Variants in ABCA2 observed in about 807,000 individuals in gnomAD.
ABCA2 encodes ATP binding cassette subfamily A member 2, also known as ATP-binding cassette sub-family A member 2.
ABCA2 carries 84 observed loss-of-function variants against 262.8 expected under a neutral mutation model. The observed-to-expected ratio is 0.32, with a 90% CI of 0.27 to 0.38. The LOEUF is 0.38. Ranked by LOEUF, ABCA2 falls within the 10% of genes least tolerant of loss-of-function variation. The pLI is 1.00. For synonymous variants in ABCA2, 1,696 were observed against 1,502.9 expected, an observed-to-expected ratio of 1.13 and a Z score of -2.97; for missense variants, 2,662 against 3,405.9, an observed-to-expected ratio of 0.78 and a Z score of 5.44.
upstream of ABCA2, chr9:137,028,576 G>A: frequency 1.3e-6 from 1 of 783,136 alleles, no homozygotes; most frequent in Non-Finnish European, 1.6e-6. This position sits in a 1 kb window ranked among gnomAD's most constrained non-coding sequence, Gnocchi z 6.9. Context: ...CGCCCACCGC[G>A]CTGGCGACTC....
At position 137,016,362 on chromosome 9, in the gene ABCA2, C is replaced by G; in HGVS notation, c.3033G>C (p.Leu1011=). The G allele has an allele frequency of 6.2e-7, 1 of 1,612,948 alleles. No individual in the cohort carries two copies. The highest frequency in any genetic ancestry group is 2.2e-5 in the East Asian group (1 of 44,888). Residue 1011 remains leucine (L), a synonymous_variant, in exon 21 of 49, where the codon CTG becomes CTC. Coordinates refer to ENST00000341511, the MANE Select transcript of ABCA2 (RefSeq NM_001606.5). The stretch of plus-strand genomic sequence containing the variant: ...CCTGGTTCTCGTAGAGGTTCAGGCT[C>G]AGCTTGTTCAGGGCCAGCTTCTTGT... ...KDDKKLALNK[L]SLNLYENQVV...
rs751657581 is a variant in ABCA2 at position 137,014,340 on chromosome 9, G to A, written c.4068C>T (p.His1356=). Residue 1356 remains histidine (H), a synonymous_variant, in exon 27 of 49, where the codon CAC becomes CAT. Coordinates refer to ENST00000341511, the MANE Select transcript of ABCA2 (RefSeq NM_001606.5). ...GAEGPASGEG[H]AGNLARCSEL... The stretch of plus-strand genomic sequence containing the variant: ...CCGAGCACCGGGCCAGATTGCCAGC[G>A]TGACCCTCCCCAGACGCCGGGCCCT... 5.5e-5 allele frequency: 89 copies of A among 1,606,840 alleles called. No homozygotes were observed. Among genetic ancestry groups the A allele is most frequent in the East Asian group, 4.5e-4 (20 of 44,582 alleles).
chr9:137,022,756 C>G lies in ABCA2; in HGVS notation c.385G>C (p.Glu129Gln). 6.2e-7 allele frequency: 1 copy of G among 1,604,540 alleles called. No individual in the cohort carries two copies. The highest frequency in any genetic ancestry group is 1.3e-5 in the African/African-American group (1 of 74,928). The change falls in exon 5 of 49, where the codon GAG becomes CAG. Residue 129 changes from glutamate to glutamine, a missense_variant. Around this residue, in one of 12 missense-constraint regions of ABCA2, gnomAD observed 403 missense variants for 375.9 expected, o/e 1.07. Transcript: ENST00000341511. ...GTGCCCGGGCCCGCACTGAGGGCCT[C>G]CAGATGCTGGCGTAGGGCCTCGAGC... ...SELEALRQHL[E>Q]ALSAGPGTSG...
chr9:137,008,965 C>G lies in ABCA2; in HGVS notation c.6916G>C (p.Glu2306Gln). The G allele has an allele frequency of 6.4e-7, 1 of 1,558,468 alleles. No individual in the cohort carries two copies. The highest frequency in any genetic ancestry group is 8.6e-7 in the Non-Finnish European group (1 of 1,156,094). Residue 2306 changes from glutamate to glutamine, a missense_variant, in exon 46 of 49, where the codon GAA becomes CAA. Transcript: ENST00000341511. ...VVRFFNRNFP[E>Q]AMLKERHHTK... Reference sequence around the variant, plus strand: ...GGACGGCGCACCTTGAGCATGGCTTCCGGGAAGTTGCGGTTGAAGAACCGC... The same window carrying G: ...GGACGGCGCACCTTGAGCATGGCTTGCGGGAAGTTGCGGTTGAAGAACCGC...
chr9:137,024,862 G>A (rs937200352), intron 1 of ABCA2, among the ~76,000 whole-genome samples: 1 of 150,616 alleles, frequency 6.6e-6, no homozygotes, highest in Non-Finnish European at 1.5e-5. Flanking sequence ...ACAGTGGTGC[G>A]ATCTCAGCTC....
Position 137,013,510 on chromosome 9 carries a change from G to A in ABCA2, c.4501C>T (p.Pro1501Ser). 1.2e-6 allele frequency: 2 copies of A among 1,610,376 alleles called. No homozygotes were observed. The highest frequency in any genetic ancestry group is 8.5e-7 in the Non-Finnish European group (1 of 1,179,450). Residue 1501 changes from proline to serine, a missense_variant, in exon 29 of 49, where the codon CCC becomes TCC. By Grantham distance (74) the Pro-to-Ser change is moderately conservative. Transcript: ENST00000341511. ...SPSQYHNYTQ[P>S]RGNFIPYANE... ...GCGTAGGGGATGAAATTGCCACGGGGCTGGGTGTAGTTGTGGTACTGGGAA... is the reference window on the plus strand; with the variant it reads ...GCGTAGGGGATGAAATTGCCACGGGACTGGGTGTAGTTGTGGTACTGGGAA...
chr9:137,013,130 A>G lies in ABCA2; in HGVS notation c.4739T>C (p.Phe1580Ser). 6.3e-7 allele frequency: 1 copy of G among 1,597,678 alleles called. No homozygotes were observed. The highest frequency in any genetic ancestry group is 1.1e-5 in the South Asian group (1 of 89,290). ...RFFDSMCLES[F>S]TQGLPLSNFV... ...ATTGGACAGTGGCAGCCCCTGTGTG[A>G]AGGACTCCAGACACATGCTGTCGAA... Residue 1580 changes from phenylalanine to serine, a missense_variant, in exon 30 of 49, where the codon TTC becomes TCC. Phe to Ser is a radical substitution (Grantham distance 155). Transcript: ENST00000341511.
rs1831364386 is a variant in ABCA2 at position 137,019,067 on chromosome 9, C to T, written c.1558G>A (p.Val520Ile). Residue 520 changes from valine to isoleucine, a missense_variant, in exon 12 of 49, where the codon GTA (valine) becomes ATA (isoleucine). Val to Ile is a conservative substitution (Grantham distance 29). Transcript: ENST00000341511. This position sits in a 1 kb window ranked among gnomAD's most constrained non-coding sequence, Gnocchi z 4.4. ...TCGGGGTGCAGCCGCAGCTCTGCTA[C>T]ATACTTGGGGTGGAGGGGCGGCTCA... ...QQHLRWLQQY[V>I]AELRLHPEAL... is the part of the protein sequence containing the mutation. 1 of 1,609,188 alleles carries T rather than the reference C, an allele frequency of 6.2e-7. No homozygotes were observed. Among genetic ancestry groups the T allele is most frequent in the African/African-American group, 1.3e-5 (1 of 74,866 alleles).
rs773060335 is a variant in ABCA2, at chr9:137,020,428, G to A, written c.1333C>T (p.Arg445Trp). The A allele has an allele frequency of 5.0e-6, 8 of 1,612,328 alleles. No individual in the cohort carries two copies. The highest frequency in any genetic ancestry group is 3.3e-4 in the Middle Eastern group (2 of 6,030). ...SSLGFTSKEQRNLGLLVHLMT... is the reference protein window; with the variant it reads ...SSLGFTSKEQWNLGLLVHLMT... ...AGGTGCACGAGGAGGCCCAGGTTCCGCTGCTCCTTGCTCGTGAAGCCCAGG... is the reference window on the plus strand; with the variant it reads ...AGGTGCACGAGGAGGCCCAGGTTCCACTGCTCCTTGCTCGTGAAGCCCAGG... The change falls in exon 10 of 49, where the codon CGG becomes TGG. Residue 445 changes from arginine to tryptophan, a missense_variant. By Grantham distance (101) the Arg-to-Trp change is moderately radical. Coordinates refer to ENST00000341511, the MANE Select transcript of ABCA2 (RefSeq NM_001606.5).
intron 48 of ABCA2, 143 bp downstream of exon 48, chr9:137,008,273 C>A: frequency 1.0e-6 from 1 of 984,864 alleles, no homozygotes; most frequent in South Asian, 1.4e-5. Flanking sequence ...TGCAAGTGTC[C>A]CTCGCCCACT....
chr9:137,021,553 C>G lies in ABCA2; in HGVS notation c.736G>C (p.Glu246Gln), dbSNP rs747246369. The change falls in exon 8 of 49, where the codon GAG becomes CAG. Residue 246 changes from glutamate (E) to glutamine (Q), a missense_variant. Glu to Gln is a conservative substitution (Grantham distance 29). Coordinates refer to ENST00000341511, the MANE Select transcript of ABCA2 (RefSeq NM_001606.5). The surrounding 1 kb of genome is among the most constrained non-coding windows in gnomAD (Gnocchi z 6.0). ...GGCACAGTGAGGATCCGGCCCAGCT[C>G]CCCCGAGCCCGGCGTGCAGGTGAGC... ...EQLTCTPGSG[E>Q]LGRILTVPES... is the part of the protein sequence containing the mutation. The G allele has an allele frequency of 4.4e-6, 7 of 1,585,568 alleles. No homozygotes were observed. In the Admixed American group the frequency reaches 1.1e-4, roughly 24 times the overall value.
chr9:137,017,735 G>C (rs773433057), intron 16 of ABCA2, 43 bp from the exon 17 acceptor site: 1 of 1,607,742 alleles, frequency 6.2e-7, no homozygotes, highest in Non-Finnish European at 8.5e-7. Flanking sequence ...CGGGGAGGAC[G>C]CCGCCCCTCC....
At chr9:137,010,429 C>T (rs1830993912) in intron 40 of ABCA2, 58 bp from the exon 41 acceptor site, 3 of 1,501,806 alleles carry the variant, frequency 2.0e-6, no homozygotes, top group South Asian at 2.5e-5. Flanking sequence ...CCCCTCTGGC[C>T]CCACCCCACC....
upstream of ABCA2, chr9:137,028,900 G>A (rs747448361): frequency 3.1e-6 from 4 of 1,302,176 alleles, no homozygotes; most frequent in Non-Finnish European, 4.0e-6. This position sits in a 1 kb window ranked among gnomAD's most constrained non-coding sequence, Gnocchi z 6.9. Flanking sequence ...CTCTGCACAG[G>A]GAGTTCGGGA....
chr9:137,019,403 C>A lies in ABCA2; in HGVS notation c.1426-97G>T. 4 of 1,421,302 alleles carry A rather than the reference C, an allele frequency of 2.8e-6. No homozygotes were observed. In the South Asian group the frequency reaches 5.4e-5, roughly 19 times the overall value. 88.0% of individuals were successfully genotyped at this position (1,421,302 alleles called of 1,614,324 possible). On this transcript the variant is annotated intron_variant, in intron 10 of 48. Coordinates refer to ENST00000341511, the MANE Select transcript of ABCA2 (RefSeq NM_001606.5). The surrounding 1 kb of genome is among the most constrained non-coding windows in gnomAD (Gnocchi z 4.4). ...CACCTCCCCAGTGGCTGGTCCATTG[C>A]CAACAACTAACCCTCCCCACCTTTT...
At chr9:137,013,715 A>T in intron 28 of ABCA2, 117 bp downstream of exon 28, 1 of 1,364,006 alleles carries the variant, frequency 7.3e-7, no homozygotes, top group East Asian at 2.5e-5. Context: ...GTGCGTGCCC[A>T]GCCTCAGGTG....
At position 137,009,688 on chromosome 9, in the gene ABCA2, C is replaced by T. The variant is rs745419724; in HGVS notation, c.6631-44G>A. ...CTCAGCTGCTGCCAGGCCCACACAC[C>T]CCAGCCTGAACGCTGCCCCTGCCCG... On this transcript the variant is annotated intron_variant, in intron 43 of 48. Transcript: ENST00000341511. 8 of 1,612,022 alleles carry T rather than the reference C, an allele frequency of 5.0e-6. No individual in the cohort carries two copies. In the South Asian group the frequency reaches 7.7e-5, roughly 15 times the overall value.
chr9:137,026,544 T>C (rs1255204578), intron 1 of ABCA2, among the ~76,000 whole-genome samples: 1 of 152,128 alleles, frequency 6.6e-6, no homozygotes, highest in African/African-American at 2.4e-5. Context: ...ACCTCCACTG[T>C]GGCCCAGTGG....
Position 137,021,518 on chromosome 9 carries a change from C to T in ABCA2, c.771G>A (p.Gln257=). 6.2e-7 allele frequency: 1 copy of T among 1,605,016 alleles called. No individual in the cohort carries two copies. The highest frequency in any genetic ancestry group is 2.3e-5 in the East Asian group (1 of 44,322). The change falls in exon 8 of 49, where the codon CAG becomes CAA. Residue 257 remains glutamine, a synonymous_variant. Transcript: ENST00000341511. The surrounding 1 kb of genome is among the most constrained non-coding windows in gnomAD (Gnocchi z 6.0). Reference sequence around the variant, plus strand: ...CCCGGTAGCCCTGCAGGGCTCCCTTCTGACTCTCAGGCACAGTGAGGATCC... The same window carrying T: ...CCCGGTAGCCCTGCAGGGCTCCCTTTTGACTCTCAGGCACAGTGAGGATCC... ...LGRILTVPES[Q]KGALQGYRDA...
Sources: gnomAD v4.1 joint callset for allele counts (sites outside exome capture counted in the v4.1 genomes callset) on GRCh38, gnomAD v4.1.1 for gene constraint, gnomAD v4.1.1 regional missense constraint, Gnocchi (gnomAD v3.1) non-coding constraint, MANE v1.5 for transcripts, NCBI Gene and HGNC (gene_info 2026-07-23, HGNC 2026-07-21) for gene names.